Variants in MALRD1 observed in about 807,000 individuals in gnomAD.
MALRD1 encodes the protein MAM and LDL-receptor class A domain-containing protein 1.
A neutral mutation model predicts 242.1 loss-of-function variants in MALRD1; 247 were observed. The observed-to-expected ratio is 1.02, with a 90% CI of 0.92 to 1.13. The LOEUF is 1.13. Among genes scored for constraint, MALRD1 ranks in the 50% most tolerant of loss-of-function variants. The pLI, the probability that MALRD1 is intolerant of heterozygous loss-of-function variation, is 0.00. For missense variants in MALRD1, 2,989 were observed against 2,533.1 expected, an observed-to-expected ratio of 1.18 and a Z score of -3.86; for synonymous variants, 995 against 866.6, an observed-to-expected ratio of 1.15 and a Z score of -2.60.
At chr10:19,201,929 C>T (rs1027382704) in intron 14 of MALRD1, among the ~76,000 whole-genome samples, 15 of 152,216 alleles carry the variant, frequency 9.9e-5, no homozygotes, top group African/African-American at 3.6e-4. Context: ...GATTCTCCTG[C>T]CTCAGCCTCC....
intron 2 of MALRD1, among the ~76,000 whole-genome samples, chr10:19,078,906 T>G (rs1258737018): frequency 6.6e-6 from 1 of 151,720 alleles, no homozygotes; most frequent in East Asian, 1.9e-4. Flanking sequence ...TTTAATTTTA[T>G]TTTTTCTTGG....
chr10:19,303,734 A>T (rs994994375), intron 21 of MALRD1, among the ~76,000 whole-genome samples: 3 of 151,752 alleles, frequency 2.0e-5, no homozygotes, highest in Non-Finnish European at 4.4e-5. Flanking sequence ...TGAGATATTT[A>T]TGTCTTTTTT....
At chr10:19,590,266 G>GTA (rs1425208992) in intron 33 of MALRD1, among the ~76,000 whole-genome samples, 1 of 147,374 alleles carries the variant, frequency 6.8e-6, no homozygotes, top group African/African-American at 2.5e-5. Flanking sequence ...TATAATATAT[G>GTA]TATATATACA....
chr10:19,235,729 T>A (rs1431133844), intron 18 of MALRD1, among the ~76,000 whole-genome samples: 1 of 151,994 alleles, frequency 6.6e-6, no homozygotes, highest in Non-Finnish European at 1.5e-5. Context: ...GAGATTTACA[T>A]GTATGGAGTG....
chr10:19,095,100 T>C (rs1330028643), intron 4 of MALRD1, among the ~76,000 whole-genome samples: 1 of 152,206 alleles, frequency 6.6e-6, no homozygotes, highest in African/African-American at 2.4e-5. Context: ...ATAAATCATA[T>C]CATTTGTTAT....
intron 28 of MALRD1, among the ~76,000 whole-genome samples, chr10:19,394,963 G>A (rs965658486): frequency 2.1e-4 from 32 of 152,276 alleles, no homozygotes; most frequent in African/African-American, 7.7e-4. Flanking sequence ...AAAGAGTATA[G>A]ATAATATAGG....
At chr10:19,206,118 A>T (rs1836771946) in intron 17 of MALRD1, among the ~76,000 whole-genome samples, 2 of 151,244 alleles carry the variant, frequency 1.3e-5, no homozygotes, top group Admixed American at 1.3e-4. Context: ...TAATAAGTAA[A>T]TTATTTCTTT....
At chr10:19,490,613 C>T (rs1445233211) in intron 29 of MALRD1, among the ~76,000 whole-genome samples, 1 of 151,680 alleles carries the variant, frequency 6.6e-6, no homozygotes, top group African/African-American at 2.4e-5. Context: ...ACTGAGGTAG[C>T]AGGACTCTGC....
intron 36 of MALRD1, among the ~76,000 whole-genome samples, chr10:19,688,321 A>T (rs143301551): frequency 3.3e-5 from 5 of 151,932 alleles, no homozygotes; most frequent in Non-Finnish European, 7.4e-5. Flanking sequence ...CCATGTTGGA[A>T]TGCAGTGCAT....
At chr10:19,104,462 A>G (rs768471732) in intron 5 of MALRD1, among the ~76,000 whole-genome samples, 26 of 152,178 alleles carry the variant, frequency 1.7e-4, no homozygotes, top group Non-Finnish European at 2.8e-4. Flanking sequence ...GATACAAAAT[A>G]GAGGTATTAG....
Position 19,681,846 on chromosome 10 carries a change from G to T in MALRD1, c.6138-10436G>T, listed in dbSNP as rs554608578. On this transcript the variant is annotated intron_variant, in intron 36 of 39. Coordinates refer to ENST00000454679, the MANE Select transcript of MALRD1 (RefSeq NM_001142308.3). ...ACTGACCTTTGGATGGGGTTTTTGT[G>T]GGGGAATGTCACTTTTTTTTTTTTT... Among the ~76,000 whole-genome samples the T allele has an allele frequency of 1.0e-4, 14 of 134,288 alleles. No individual in the cohort carries two copies. In the South Asian group the frequency reaches 3.4e-3, roughly 33 times the overall value. 88.1% of individuals were successfully genotyped at this position (134,288 alleles called of 152,430 possible).
intron 2 of MALRD1, among the ~76,000 whole-genome samples, chr10:19,072,682 G>T (rs1835190742): frequency 6.6e-6 from 1 of 151,986 alleles, no homozygotes; most frequent in Non-Finnish European, 1.5e-5. Context: ...AGTGCCCAGT[G>T]TTCACATTTA....
chr10:19,708,395 G>T (rs1833962494), intron 38 of MALRD1, among the ~76,000 whole-genome samples: 1 of 107,136 alleles, frequency 9.3e-6, no homozygotes, highest in African/African-American at 2.9e-5. Context: ...TAAAGTGCAA[G>T]GGCACAATCA....
At chr10:19,587,376 G>A (rs1301790270) in intron 33 of MALRD1, among the ~76,000 whole-genome samples, 2 of 152,316 alleles carry the variant, frequency 1.3e-5, no homozygotes, top group South Asian at 4.1e-4. Flanking sequence ...GTATGACAAT[G>A]TTTGGCAACA....
At chr10:19,239,412 G>A (rs916869106) in intron 18 of MALRD1, among the ~76,000 whole-genome samples, 1 of 152,228 alleles carries the variant, frequency 6.6e-6, no homozygotes, top group South Asian at 2.1e-4. Flanking sequence ...CTTAGCAGAT[G>A]TATAGTTTGC....
intron 24 of MALRD1, among the ~76,000 whole-genome samples, chr10:19,343,822 G>T (rs1843990698): frequency 6.6e-6 from 1 of 152,098 alleles, no homozygotes; most frequent in South Asian, 2.1e-4. Flanking sequence ...TCCTTGTGAT[G>T]ATTTGGTGGT....
chr10:19,629,811 G>A (rs1839828152), intron 36 of MALRD1, among the ~76,000 whole-genome samples: 2 of 152,112 alleles, frequency 1.3e-5, no homozygotes, highest in African/African-American at 4.8e-5. Flanking sequence ...GGAACGGCTG[G>A]CCATCCAGCT....
intron 5 of MALRD1, among the ~76,000 whole-genome samples, chr10:19,107,050 T>C (rs1836488936): frequency 6.6e-6 from 1 of 151,994 alleles, no homozygotes; most frequent in South Asian, 2.1e-4. Flanking sequence ...GGCCTAACAT[T>C]TGATATATCC....
At chr10:19,558,359 G>T (rs1374509567) in intron 32 of MALRD1, among the ~76,000 whole-genome samples, 1 of 152,094 alleles carries the variant, frequency 6.6e-6, no homozygotes, top group Non-Finnish European at 1.5e-5. Context: ...TATTAAGGAT[G>T]ATATTAGCTA....
Sources: gnomAD v4.1 joint callset for allele counts (sites outside exome capture counted in the v4.1 genomes callset) on GRCh38, gnomAD v4.1.1 for gene constraint, MANE v1.5 for transcripts, NCBI Gene and HGNC (gene_info 2026-07-23, HGNC 2026-07-21) for gene names.